CACNA1E: variants seen among roughly 807,000 people sequenced by gnomAD.
CACNA1E encodes the protein voltage-dependent R-type calcium channel subunit alpha-1E.
Under a neutral mutation model 259.2 loss-of-function variants are expected in CACNA1E, and 40 were observed. That is an observed-to-expected ratio of 0.15 (90% CI 0.12 to 0.20). CACNA1E has a LOEUF of 0.20. CACNA1E is among the 10% of genes least tolerant of loss of function. The pLI, the probability that CACNA1E is intolerant of heterozygous loss-of-function variation, is 1.00. For missense variants in CACNA1E, 1,874 were observed against 3,040.1 expected, an observed-to-expected ratio of 0.62 and a Z score of 9.02; for synonymous variants, 1,104 against 1,138.5, an observed-to-expected ratio of 0.97 and a Z score of 0.61.
At chr1:181,726,971 G>A (rs1020799791) in intron 18 of CACNA1E, among the ~76,000 whole-genome samples, 6 of 152,184 alleles carry the variant, frequency 3.9e-5, no homozygotes, top group African/African-American at 1.4e-4. Flanking sequence ...ATCGATCCCA[G>A]GTTTTAAGGT....
intron 39 of CACNA1E, among the ~76,000 whole-genome samples, chr1:181,783,411 T>C (rs1300891251): frequency 6.6e-6 from 1 of 152,110 alleles, no homozygotes; most frequent in African/African-American, 2.4e-5. Context: ...CCTTACTGAA[T>C]GATTAGGGAA....
intron 3 of CACNA1E, among the ~76,000 whole-genome samples, chr1:181,521,337 G>A (rs1428181167): frequency 6.6e-6 from 1 of 152,228 alleles, no homozygotes; most frequent in Non-Finnish European, 1.5e-5. Context: ...GACTAGCCAT[G>A]GGAGAGCTCA....
At chr1:181,428,675 C>T (rs1408564836) in intron 2 of CACNA1E, among the ~76,000 whole-genome samples, 10 of 152,092 alleles carry the variant, frequency 6.6e-5, no homozygotes, top group Admixed American at 6.5e-4. Flanking sequence ...GTGACACTCA[C>T]CAAGCTGTGT....
chr1:181,341,252 G>A (rs1352640124), intron 1 of CACNA1E, among the ~76,000 whole-genome samples: 3 of 152,132 alleles, frequency 2.0e-5, no homozygotes, highest in Non-Finnish European at 2.9e-5. Flanking sequence ...AAAATGCTTG[G>A]AGCACGCCCC....
rs757496211 is a variant in CACNA1E at position 181,757,087 on chromosome 1, G to C, written c.4290G>C (p.Gly1430=). ...TCATCATCACCTTCCAGGAGCAAGG[G>C]GATAAGATGATGGAGGAGTGCAGCC... ...ALIIITFQEQ[G]DKMMEECSLE... The change falls in exon 30 of 48, where the codon GGG becomes GGC. Residue 1430 remains glycine, a synonymous_variant. Coordinates refer to ENST00000367573, the MANE Select transcript of CACNA1E (RefSeq NM_001205293.3). 6.2e-7 allele frequency: 1 copy of C among 1,613,876 alleles called. No individual in the cohort carries two copies. Among genetic ancestry groups the C allele is most frequent in the Non-Finnish European group, 8.5e-7 (1 of 1,179,810 alleles).
rs1320598241 is a variant in CACNA1E at position 181,805,285 on chromosome 1, C to T, written c.*6451C>T. On this transcript the variant is annotated 3_prime_UTR_variant, in exon 48 of 48. Transcript: ENST00000367573. Reference sequence around the variant, plus strand: ...ACTTTATTTGATGACTCAATATTTTCCTTCCAGTACTCTAATTTTTTTTTA... The same window carrying T: ...ACTTTATTTGATGACTCAATATTTTTCTTCCAGTACTCTAATTTTTTTTTA... The T allele has an allele frequency of 1.3e-5, 2 of 152,174 alleles. No individual in the cohort carries two copies. Among genetic ancestry groups the T allele is most frequent in the Non-Finnish European group, 2.9e-5 (2 of 68,034 alleles). The allele number at this position is 152,174 out of a possible 1,614,324, so 9.4% of individuals were successfully genotyped here. A position where few individuals can be genotyped will look rare whatever the true frequency, so the allele number is the denominator to read the frequency against.
intron 6 of CACNA1E, among the ~76,000 whole-genome samples, chr1:181,581,725 T>G (rs1651565249): frequency 6.6e-6 from 1 of 152,220 alleles, no homozygotes; most frequent in African/African-American, 2.4e-5. Flanking sequence ...GGATCCTAGG[T>G]GGGTAAAGCA....
At chr1:181,577,104 A>G (rs1651054157) in intron 3 of CACNA1E, among the ~76,000 whole-genome samples, 1 of 152,196 alleles carries the variant, frequency 6.6e-6, no homozygotes, top group Non-Finnish European at 1.5e-5. Flanking sequence ...GGTGTACACA[A>G]TCTAATAGAA....
intron 1 of CACNA1E, among the ~76,000 whole-genome samples, chr1:181,351,172 C>T (rs1412570148): frequency 6.6e-6 from 1 of 152,160 alleles, no homozygotes; most frequent in African/African-American, 2.4e-5. Flanking sequence ...CTGGGAATAC[C>T]TTGAGGAGGA....
In CACNA1E at chr1:181,804,194, G is replaced by GGAA. The variant is rs1439546201; in HGVS notation, c.*5360_*5361insGAA. ...TGTTTGGTTGGTGGCTGGGTTTCTT[G>GGAA]TAACAGACCTATTCTGGAATAGCAA... On this transcript the variant is annotated 3_prime_UTR_variant, in exon 48 of 48. Transcript: ENST00000367573. The GGAA allele has an allele frequency of 5.9e-5, 9 of 152,164 alleles. No homozygotes were observed. The highest frequency in any genetic ancestry group is 2.2e-4 in the African/African-American group (9 of 41,434). The allele number at this position is 152,164 out of a possible 1,614,324, so 9.4% of individuals were successfully genotyped here.
chr1:181,730,617 T>A (rs964613047), intron 18 of CACNA1E, among the ~76,000 whole-genome samples: 4 of 152,208 alleles, frequency 2.6e-5, no homozygotes, highest in African/African-American at 9.7e-5. Flanking sequence ...GATGGTGGCC[T>A]ACGGAAAGAT....
intron 43 of CACNA1E, among the ~76,000 whole-genome samples, chr1:181,788,233 G>C (rs757917640): frequency 6.6e-6 from 1 of 152,166 alleles, no homozygotes; most frequent in Non-Finnish European, 1.5e-5. Flanking sequence ...AGGAAGCAAA[G>C]GATTCTGGGT....
chr1:181,468,228 G>A (rs746553510), intron 2 of CACNA1E, among the ~76,000 whole-genome samples: 5 of 152,194 alleles, frequency 3.3e-5, no homozygotes, highest in Non-Finnish European at 7.3e-5. Context: ...CTCGAGATGT[G>A]AGCTTTGCAG....
At chr1:181,526,332 C>G (rs539010573) in intron 3 of CACNA1E, among the ~76,000 whole-genome samples, 9 of 151,516 alleles carry the variant, frequency 5.9e-5, no homozygotes, top group South Asian at 4.2e-4. Flanking sequence ...AATGAGGAAG[C>G]CTGACTCCAG....
intron 2 of CACNA1E, among the ~76,000 whole-genome samples, chr1:181,415,218 C>CA (rs1658176092): frequency 6.6e-6 from 1 of 152,148 alleles, no homozygotes; most frequent in Non-Finnish European, 1.5e-5. Context: ...TGGCCTAACC[C>CA]AAAAAATCCC....
Position 181,377,923 on chromosome 1 carries a change from G to A in CACNA1E, c.-14-35210G>A, listed in dbSNP as rs2609493. On this transcript the variant is annotated intron_variant, in intron 1 of 11. Coordinates refer to the CACNA1E transcript ENST00000524607. ...ATCCATTCTCTTTGGATTTATTGAA[G>A]CCTAACAATGTGCAGGAGCTGCTAG... 3.3e-5 allele frequency among the ~76,000 whole-genome samples: 5 copies of A among 152,180 alleles called. No individual in the cohort carries two copies. In the South Asian group the frequency reaches 1.0e-3, roughly 32 times the overall value.
chr1:181,793,114 A>G (rs1661473070), intron 44 of CACNA1E, among the ~76,000 whole-genome samples: 1 of 152,200 alleles, frequency 6.6e-6, no homozygotes, highest in African/African-American at 2.4e-5. Context: ...TCATCCTTCC[A>G]TGGGACTGTG....
intron 6 of CACNA1E, among the ~76,000 whole-genome samples, chr1:181,584,962 T>C (rs1430199462): frequency 6.6e-6 from 1 of 152,212 alleles, no homozygotes; most frequent in Non-Finnish European, 1.5e-5. Context: ...TAAGTGTTAC[T>C]GTAATTGTAA....
At chr1:181,762,039 C>A (rs1658623693) in intron 32 of CACNA1E, among the ~76,000 whole-genome samples, 1 of 152,170 alleles carries the variant, frequency 6.6e-6, no homozygotes, top group Admixed American at 6.5e-5. Flanking sequence ...ACATCTGTAA[C>A]CTTCAGTCAC....
Sources: allele counts gnomAD v4.1 joint callset (sites outside exome capture counted in the v4.1 genomes callset), GRCh38; gene constraint gnomAD v4.1.1; transcripts MANE v1.5; gene names NCBI Gene and HGNC (gene_info 2026-07-23, HGNC 2026-07-21).